The following ZGPAT variants were observed in gnomAD, a reference collection of about 807,000 sequenced individuals.
ZGPAT encodes zinc finger CCCH-type with G patch domain-containing protein.
A neutral mutation model predicts 47.9 loss-of-function variants in ZGPAT; 39 were observed. That is an observed-to-expected ratio of 0.81 (90% CI 0.63 to 1.06). The LOEUF (loss-of-function observed/expected upper bound fraction) is 1.06. Among genes scored for constraint, ZGPAT ranks in the 50% least tolerant of loss-of-function variants. The pLI, the probability that ZGPAT is intolerant of heterozygous loss-of-function variation, is 0.00. For missense variants in ZGPAT, 717 were observed against 681.4 expected, an observed-to-expected ratio of 1.05 and a Z score of -0.58; for synonymous variants, 348 against 292.9, an observed-to-expected ratio of 1.19 and a Z score of -1.92.
chr20:63,732,974 G>C (rs2091935704), intron 2 of ZGPAT, among the ~76,000 whole-genome samples: 1 of 151,852 alleles, frequency 6.6e-6, no homozygotes, highest in African/African-American at 2.4e-5. Context: ...GTGTATGTGT[G>C]CATGTGTATC....
chr20:63,732,682 A>ATC (rs2091927265), intron 2 of ZGPAT, among the ~76,000 whole-genome samples: 2 of 151,360 alleles, frequency 1.3e-5, no homozygotes, highest in Non-Finnish European at 1.5e-5. Flanking sequence ...GCCTGTGTGC[A>ATC]TGTGTGTATG....
At chr20:63,722,021 A>G (rs1451307526) in intron 2 of ZGPAT, among the ~76,000 whole-genome samples, 22 of 151,582 alleles carry the variant, frequency 1.5e-4, no homozygotes, top group African/African-American at 5.1e-4. Flanking sequence ...TCGGGGAAAA[A>G]AAAAAAAAAA....
chr20:63,708,518 G>A, intron 1 of ZGPAT, 35 bp from the exon 2 acceptor site: 4 of 1,487,786 alleles, frequency 2.7e-6, no homozygotes, highest in Non-Finnish European at 3.6e-6. Context: ...GGTCGGTCCC[G>A]AGACGCGGGG....
chr20:63,734,583 C>T (rs984640338), intron 4 of ZGPAT, 122 bp from the exon 5 acceptor site: 28 of 1,520,428 alleles, frequency 1.8e-5, no homozygotes, highest in Admixed American at 6.3e-5. Flanking sequence ...GGTCAAAGCC[C>T]GGGTCACCAT....
At chr20:63,725,591 G>A (rs1255462878) in intron 2 of ZGPAT, among the ~76,000 whole-genome samples, 1 of 144,690 alleles carries the variant, frequency 6.9e-6, no homozygotes, top group African/African-American at 2.6e-5. Context: ...ATCTCTTGGT[G>A]TGCATCGTAT....
In ZGPAT at chr20:63,719,002, C is replaced by T. The variant is rs571073197; in HGVS notation, c.584+9838C>T. Among the ~76,000 whole-genome samples the T allele has an allele frequency of 1.8e-4, 27 of 150,446 alleles. No homozygotes were observed. The East Asian group carries it at 4.9e-3, about 27-fold the overall frequency. The stretch of plus-strand genomic sequence containing the variant: ...AATGGCGTGAACCCGGGAGGTGGAG[C>T]TTGCAGTGAGCTGAGATCACACCAC... On this transcript the variant is annotated intron_variant, in intron 2 of 6. Coordinates refer to ENST00000355969, the MANE Select transcript of ZGPAT (RefSeq NM_181485.3).
At chr20:63,732,012 C>G (rs2091909741) in intron 2 of ZGPAT, among the ~76,000 whole-genome samples, 1 of 152,166 alleles carries the variant, frequency 6.6e-6, no homozygotes, top group Non-Finnish European at 1.5e-5. Flanking sequence ...GGGGGTTTCC[C>G]ATGGATACCA....
At chr20:63,724,431 C>T (rs1192974963) in intron 2 of ZGPAT, among the ~76,000 whole-genome samples, 2 of 151,364 alleles carry the variant, frequency 1.3e-5, no homozygotes, top group African/African-American at 4.9e-5. Flanking sequence ...CCTGTAATCC[C>T]AAAGCCTTGG....
chr20:63,709,041 G>C lies in ZGPAT; in HGVS notation c.461G>C (p.Gly154Ala). The C allele has an allele frequency of 6.2e-7, 1 of 1,613,752 alleles. No individual in the cohort carries two copies. The highest frequency in any genetic ancestry group is 8.5e-7 in the Non-Finnish European group (1 of 1,180,026). The stretch of plus-strand genomic sequence containing the variant: ...GAGTATCACAACGCCATGGTGGTGG[G>C]AACGGAAGAGGCGGAGGATGGCTCG... ...TLEYHNAMVV[G>A]TEEAEDGSAG... Residue 154 changes from glycine to alanine, a missense_variant, in exon 2 of 7, where the codon GGA becomes GCA. Transcript: ENST00000355969.
chr20:63,710,657 T>C (rs1400712031), intron 2 of ZGPAT, among the ~76,000 whole-genome samples: 1 of 152,208 alleles, frequency 6.6e-6, no homozygotes, highest in Non-Finnish European at 1.5e-5. Flanking sequence ...TAAAGCAAAT[T>C]CCAGAAGTTA....
At chr20:63,730,676 GT>G (rs1192500151) in intron 2 of ZGPAT, among the ~76,000 whole-genome samples, 1 of 152,080 alleles carries the variant, frequency 6.6e-6, no homozygotes, top group Non-Finnish European at 1.5e-5. Flanking sequence ...GTAGAGACGG[GT>G]TTCTCCATGT....
chr20:63,726,669 C>T (rs1048365793), intron 2 of ZGPAT, among the ~76,000 whole-genome samples: 1 of 151,754 alleles, frequency 6.6e-6, no homozygotes, highest in Non-Finnish European at 1.5e-5. Context: ...ACTGCAGGCA[C>T]CCTCCACCAC....
intron 3 of ZGPAT, 114 bp downstream of exon 3, chr20:63,733,466 G>T: frequency 1.3e-6 from 2 of 1,597,386 alleles, no homozygotes; most frequent in Non-Finnish European, 1.7e-6. Flanking sequence ...CTGGCTCTGG[G>T]CCCGAAATGA....
chr20:63,723,697 C>T (rs2091814353), intron 2 of ZGPAT, among the ~76,000 whole-genome samples: 3 of 152,256 alleles, frequency 2.0e-5, no homozygotes, highest in African/African-American at 7.2e-5. Flanking sequence ...TCTTCTCCTT[C>T]ATGTATTATT....
Position 63,735,488 on chromosome 20 carries a change from C to G in ZGPAT, c.1321C>G (p.Gln441Glu). The G allele has an allele frequency of 4.5e-6, 7 of 1,543,510 alleles. No individual in the cohort carries two copies. The highest frequency in any genetic ancestry group is 6.1e-6 in the Non-Finnish European group (7 of 1,150,410). ...GCGGGCCCTGAGCCTGCGGCTCTTC[C>G]AGACTGAGGAGAAGATCGAGCGAAC... is the stretch of plus-strand genomic sequence containing the variant. ...AKRALSLRLFQTEEKIERTQR... is the reference protein window; with the variant it reads ...AKRALSLRLFETEEKIERTQR... The change falls in exon 6 of 7, where the codon CAG becomes GAG. Residue 441 changes from glutamine to glutamate, a missense_variant. Transcript: ENST00000355969.
In ZGPAT at chr20:63,731,966, A is replaced by C. The variant is rs1478701952; in HGVS notation, c.585-1253A>C. On this transcript the variant is annotated intron_variant, in intron 2 of 6. Transcript: ENST00000355969. ...ATGCAAACACTATGTCATTATATATAAGGGACTTGAGCATCCTTGGATTTT... is the reference window on the plus strand; with the variant it reads ...ATGCAAACACTATGTCATTATATATCAGGGACTTGAGCATCCTTGGATTTT... 3.3e-5 allele frequency among the ~76,000 whole-genome samples: 5 copies of C among 152,204 alleles called. No homozygotes were observed. In the East Asian group the frequency reaches 9.6e-4, roughly 29 times the overall value.
At chr20:63,727,531 C>T (rs1246963174) in intron 2 of ZGPAT, among the ~76,000 whole-genome samples, 6 of 151,816 alleles carry the variant, frequency 4.0e-5, no homozygotes, top group South Asian at 2.1e-4. Context: ...GTTAGCTGGG[C>T]GTAGTAGCTC....
At chr20:63,734,916 G>A (rs553845876) in intron 5 of ZGPAT, 92 bp downstream of exon 5, 25 of 1,442,234 alleles carry the variant, frequency 1.7e-5, no homozygotes, top group Admixed American at 8.2e-5. Flanking sequence ...CGCAGCCATC[G>A]GGTTCCCAGG....
chr20:63,717,644 C>T (rs1358070174), intron 2 of ZGPAT, among the ~76,000 whole-genome samples: 1 of 152,158 alleles, frequency 6.6e-6, no homozygotes, highest in Non-Finnish European at 1.5e-5. Flanking sequence ...GCGATCATAG[C>T]TCTGTAGCCT....
Sources: gnomAD v4.1 joint callset for allele counts (sites outside exome capture counted in the v4.1 genomes callset) on GRCh38, gnomAD v4.1.1 for gene constraint, MANE v1.5 for transcripts, NCBI Gene and HGNC (gene_info 2026-07-23, HGNC 2026-07-21) for gene names.